PCED1B: variants seen among roughly 807,000 people sequenced by gnomAD.
The protein encoded by PCED1B is PC-esterase domain-containing protein 1B.
For synonymous variants in PCED1B, 251 were observed against 246.1 expected (o/e 1.02, Z -0.19); for missense variants, 573 against 573.9 (o/e 1.00, Z 0.02).
chr12:47,191,845 A>G (rs1280953255), intron 2 of PCED1B, among the ~76,000 whole-genome samples: 1 of 151,148 alleles, frequency 6.6e-6, no homozygotes, highest in African/African-American at 2.4e-5. Context: ...TCTGATGAGA[A>G]CCACTTGCCT....
intron 2 of PCED1B, among the ~76,000 whole-genome samples, chr12:47,115,214 C>G (rs1939364438): frequency 6.6e-6 from 1 of 152,158 alleles, no homozygotes; most frequent in Non-Finnish European, 1.5e-5. Flanking sequence ...AATCCTGATA[C>G]TAATGGTGGG....
At chr12:47,118,798 C>T (rs951686705) in intron 2 of PCED1B, among the ~76,000 whole-genome samples, 12 of 152,212 alleles carry the variant, frequency 7.9e-5, no homozygotes, top group Admixed American at 1.3e-4. Flanking sequence ...GCCATTTTCA[C>T]GATATTGATT....
At position 47,235,654 on chromosome 12, in the gene PCED1B, C is replaced by A; in HGVS notation, c.591C>A (p.Asn197Lys). 1 of 1,612,358 alleles carries A rather than the reference C, an allele frequency of 6.2e-7. No individual in the cohort carries two copies. Among genetic ancestry groups the A allele is most frequent in the Non-Finnish European group, 8.5e-7 (1 of 1,179,782 alleles). The change falls in exon 4 of 4, where the codon AAC (asparagine) becomes AAA (lysine). Residue 197 changes from asparagine to lysine, a missense_variant. Physicochemically the swap from Asn to Lys is moderately conservative, Grantham distance 94. Coordinates refer to ENST00000546455, the MANE Select transcript of PCED1B (RefSeq NM_138371.3). ...TGAAAAACGAAGTGGTCAAAGCCAA[C>A]TTCCACAGCGCCACCGAGGCACGTA... ...TFLKNEVVKA[N>K]FHSATEARKH...
intron 3 of PCED1B, among the ~76,000 whole-genome samples, chr12:47,219,826 T>C (rs1025519820): frequency 3.3e-5 from 5 of 152,200 alleles, no homozygotes; most frequent in Admixed American, 2.6e-4. Context: ...CAAGTATTTA[T>C]AGCTGAGATT....
At chr12:47,207,142 T>G (rs1942936355) in intron 2 of PCED1B, among the ~76,000 whole-genome samples, 1 of 152,182 alleles carries the variant, frequency 6.6e-6, no homozygotes, top group Admixed American at 6.5e-5. Flanking sequence ...GGGAATATCC[T>G]TTCAGAGCCT....
intron 2 of PCED1B, among the ~76,000 whole-genome samples, chr12:47,142,162 C>T (rs1940618967): frequency 6.6e-6 from 1 of 152,164 alleles, no homozygotes; most frequent in Non-Finnish European, 1.5e-5. Context: ...CAGTTGATTT[C>T]ACTCAAGGAC....
chr12:47,165,182 GACA>G (rs879313875), intron 2 of PCED1B, among the ~76,000 whole-genome samples: 2 of 152,144 alleles, frequency 1.3e-5, no homozygotes, highest in Admixed American at 6.5e-5. Context: ...TTTGTAATAA[GACA>G]ACATTTTTCT....
intron 2 of PCED1B, among the ~76,000 whole-genome samples, chr12:47,137,658 G>A (rs1225007706): frequency 1.3e-5 from 2 of 150,302 alleles, no homozygotes; most frequent in African/African-American, 4.9e-5. Flanking sequence ...GAGCCTGGAG[G>A]TTGAGGCTGC....
chr12:47,144,271 G>A (rs975474404), intron 2 of PCED1B, among the ~76,000 whole-genome samples: 1 of 152,144 alleles, frequency 6.6e-6, no homozygotes, highest in Non-Finnish European at 1.5e-5. Flanking sequence ...TGGATAGTGA[G>A]CCCACAGAGG....
At chr12:47,170,036 C>T (rs963910146) in intron 2 of PCED1B, among the ~76,000 whole-genome samples, 9 of 151,770 alleles carry the variant, frequency 5.9e-5, no homozygotes, top group African/African-American at 1.7e-4. Context: ...AGGCGGAGGG[C>T]CCTGCCGCCT....
intron 2 of PCED1B, among the ~76,000 whole-genome samples, chr12:47,174,970 G>C (rs1385675118): frequency 6.6e-6 from 1 of 152,174 alleles, no homozygotes; most frequent in African/African-American, 2.4e-5. Flanking sequence ...AGTAAGCCTT[G>C]ATAAGTAATG....
At chr12:47,104,666 G>T (rs1938866211) in intron 2 of PCED1B, among the ~76,000 whole-genome samples, 1 of 152,076 alleles carries the variant, frequency 6.6e-6, no homozygotes, top group South Asian at 2.1e-4. Flanking sequence ...ATACCTCTAG[G>T]GCCTTAGGGA....
At chr12:47,112,407 T>C (rs1174531522) in intron 2 of PCED1B, among the ~76,000 whole-genome samples, 1 of 152,216 alleles carries the variant, frequency 6.6e-6, no homozygotes, top group East Asian at 1.9e-4. Context: ...TAAGATTCTC[T>C]TAGCAAATTT....
At chr12:47,197,658 CA>C (rs1003688301) in intron 2 of PCED1B, among the ~76,000 whole-genome samples, 1 of 150,468 alleles carries the variant, frequency 6.6e-6, no homozygotes. Flanking sequence ...CAATGATATA[CA>C]AAAAAAGGGA....
intron 2 of PCED1B, among the ~76,000 whole-genome samples, chr12:47,191,882 A>G (rs1305567763): frequency 3.3e-5 from 5 of 151,388 alleles, no homozygotes; most frequent in African/African-American, 1.2e-4. Context: ...ATCTGAGTCC[A>G]TTACCATTTT....
chr12:47,219,325 A>T (rs1211539710), intron 3 of PCED1B, among the ~76,000 whole-genome samples: 1 of 152,162 alleles, frequency 6.6e-6, no homozygotes, highest in East Asian at 1.9e-4. Context: ...GAAGTAAAAA[A>T]CTAAGTAGCA....
intron 2 of PCED1B, among the ~76,000 whole-genome samples, chr12:47,201,824 T>C (rs1215825430): frequency 6.6e-6 from 1 of 152,084 alleles, no homozygotes; most frequent in Non-Finnish European, 1.5e-5. Flanking sequence ...GGTCTTGAAC[T>C]CCTGAGCTCA....
intron 2 of PCED1B, among the ~76,000 whole-genome samples, chr12:47,203,210 T>TC (rs2137720879): frequency 6.6e-6 from 1 of 152,284 alleles, no homozygotes; most frequent in African/African-American, 2.4e-5. Context: ...CCTCAGATGA[T>TC]CCACCTGCCT....
intron 2 of PCED1B, among the ~76,000 whole-genome samples, chr12:47,165,055 C>G (rs1941501042): frequency 6.6e-6 from 1 of 152,206 alleles, no homozygotes; most frequent in South Asian, 2.1e-4. Flanking sequence ...TTGGCCTGCC[C>G]AGGTACTGCT....
Sources: allele counts gnomAD v4.1 joint callset (sites outside exome capture counted in the v4.1 genomes callset), GRCh38; gene constraint gnomAD v4.1.1; transcripts MANE v1.5; gene names NCBI Gene and HGNC (gene_info 2026-07-23, HGNC 2026-07-21).